PRDM16: variants seen among roughly 807,000 people sequenced by gnomAD.
PRDM16 encodes the protein PR/SET domain 16.
A neutral mutation model predicts 110.6 loss-of-function variants in PRDM16; 23 were observed. The observed-to-expected ratio is 0.21, with a 90% confidence interval of 0.15 to 0.29. The LOEUF (loss-of-function observed/expected upper bound fraction) is 0.29, where lower values mean the gene tolerates loss of function less well. PRDM16 is among the 10% of genes least tolerant of loss of function. The pLI, the probability that PRDM16 is intolerant of heterozygous loss-of-function variation, is 1.00. For missense variants in PRDM16, 1,615 were observed against 1,794.3 expected, an observed-to-expected ratio of 0.90 and a Z score of 1.81; for synonymous variants, 799 against 781.8, an observed-to-expected ratio of 1.02 and a Z score of -0.37.
At chr1:3,094,711 G>A (rs1316822207) in intron 1 of PRDM16, among the ~76,000 whole-genome samples, 1 of 152,216 alleles carries the variant, frequency 6.6e-6, no homozygotes, top group East Asian at 1.9e-4. Flanking sequence ...TGTGAGCACC[G>A]GCCCAGCAAG....
intron 3 of PRDM16, among the ~76,000 whole-genome samples, chr1:3,273,566 A>G (rs1424624727): frequency 6.6e-6 from 1 of 152,084 alleles, no homozygotes; most frequent in African/African-American, 2.4e-5. Context: ...ATAAGGGTAC[A>G]TGCCCATGTG....
intron 3 of PRDM16, among the ~76,000 whole-genome samples, chr1:3,357,108 C>T (rs1642619302): frequency 6.6e-6 from 1 of 152,152 alleles, no homozygotes; most frequent in South Asian, 2.1e-4. Flanking sequence ...GAAGGACCCC[C>T]AGCCCCAAGG....
intron 3 of PRDM16, among the ~76,000 whole-genome samples, chr1:3,315,804 G>A (rs1272169932): frequency 2.0e-5 from 3 of 152,094 alleles, no homozygotes; most frequent in South Asian, 4.2e-4. Flanking sequence ...GCCACCAATC[G>A]GAGACTCCCA....
At chr1:3,305,961 C>T (rs1022802654) in intron 3 of PRDM16, among the ~76,000 whole-genome samples, 2 of 152,268 alleles carry the variant, frequency 1.3e-5, no homozygotes, top group Admixed American at 6.5e-5. Context: ...CTGCATCCTC[C>T]TCAAGGTCAC....
chr1:3,132,580 T>C (rs969342482), intron 1 of PRDM16, among the ~76,000 whole-genome samples: 5 of 152,140 alleles, frequency 3.3e-5, no homozygotes, highest in Non-Finnish European at 7.4e-5. Context: ...CCCCATTACC[T>C]TCCTTCCTCC....
At chr1:3,374,738 C>T (rs1642964010) in intron 3 of PRDM16, among the ~76,000 whole-genome samples, 1 of 152,246 alleles carries the variant, frequency 6.6e-6, no homozygotes, top group African/African-American at 2.4e-5. Context: ...CTACTCACTG[C>T]AAGGGCTGGT....
intron 2 of PRDM16, among the ~76,000 whole-genome samples, chr1:3,188,195 G>A (rs1557515718): frequency 6.6e-6 from 1 of 152,214 alleles, no homozygotes; most frequent in Non-Finnish European, 1.5e-5. Context: ...GTCCCTCCCT[G>A]CCTGGTGTGT....
At chr1:3,116,625 C>T (rs994818501) in intron 1 of PRDM16, among the ~76,000 whole-genome samples, 3 of 152,186 alleles carry the variant, frequency 2.0e-5, no homozygotes, top group South Asian at 2.1e-4. Context: ...ACCGCAGCTC[C>T]GGCTCTGATG....
intron 3 of PRDM16, among the ~76,000 whole-genome samples, chr1:3,375,644 G>C (rs1642978065): frequency 6.6e-6 from 1 of 152,208 alleles, no homozygotes; most frequent in Non-Finnish European, 1.5e-5. Context: ...GTGGCAGGGG[G>C]CACAGCACAG....
chr1:3,123,477 G>A (rs1005024510), intron 1 of PRDM16, among the ~76,000 whole-genome samples: 1 of 152,250 alleles, frequency 6.6e-6, no homozygotes, highest in African/African-American at 2.4e-5. Flanking sequence ...GGCCTTCCTG[G>A]AGGAGGGGGC....
chr1:3,121,987 G>A (rs536935839), intron 1 of PRDM16, among the ~76,000 whole-genome samples: 1 of 152,242 alleles, frequency 6.6e-6, no homozygotes, highest in African/African-American at 2.4e-5. Context: ...TGGCAGGCGC[G>A]GGCGGTTGGT....
chr1:3,203,766 A>G (rs1365354062), intron 2 of PRDM16, among the ~76,000 whole-genome samples: 4 of 152,130 alleles, frequency 2.6e-5, no homozygotes, highest in Non-Finnish European at 5.9e-5. Flanking sequence ...TTAACTCATC[A>G]CATCTCCCAA....
intron 1 of PRDM16, among the ~76,000 whole-genome samples, chr1:3,178,169 C>T (rs569211763): frequency 6.6e-5 from 10 of 152,264 alleles, no homozygotes; most frequent in African/African-American, 1.4e-4. Flanking sequence ...GGCAATAAGA[C>T]GGCAAGGGTT....
intron 2 of PRDM16, among the ~76,000 whole-genome samples, chr1:3,215,384 G>A (rs1376420233): frequency 6.6e-6 from 1 of 151,800 alleles, no homozygotes; most frequent in Non-Finnish European, 1.5e-5. Flanking sequence ...GGAGAACAGG[G>A]CCTCCAGGAG....
At chr1:3,365,151 C>T (rs936824150) in intron 3 of PRDM16, among the ~76,000 whole-genome samples, 2 of 152,168 alleles carry the variant, frequency 1.3e-5, no homozygotes, top group South Asian at 2.1e-4. Flanking sequence ...AAGTGGGAGT[C>T]GGGTCGCATG....
chr1:3,125,193 G>T (rs1643179603), intron 1 of PRDM16, among the ~76,000 whole-genome samples: 1 of 152,276 alleles, frequency 6.6e-6, no homozygotes, highest in South Asian at 2.1e-4. Context: ...CCTTGAGAAT[G>T]CTGGGCTTCC....
chr1:3,183,205 C>T (rs141105766), intron 1 of PRDM16, among the ~76,000 whole-genome samples: 105 of 152,290 alleles, frequency 6.9e-4, no homozygotes, highest in African/African-American at 2.1e-3. Context: ...AAGATGCCCA[C>T]GTCCAGAACA....
In PRDM16 at chr1:3,402,599, A is replaced by T. The variant is rs534748608; in HGVS notation, c.677-192A>T. Among the ~76,000 whole-genome samples, 23 of 151,846 alleles carry T rather than the reference A, an allele frequency of 1.5e-4. No homozygotes were observed. The East Asian group carries it at 4.1e-3, about 27-fold the overall frequency. ...TCCTGCCCAGGGCTGGGCCCTGGGG[A>T]CTCCACATGCCTGTTTCCAGGGCAG... On this transcript the variant is annotated intron_variant, in intron 5 of 16. Coordinates refer to ENST00000270722, the MANE Select transcript of PRDM16 (RefSeq NM_022114.4).
intron 3 of PRDM16, among the ~76,000 whole-genome samples, chr1:3,268,636 C>T (rs551000581): frequency 6.6e-6 from 1 of 152,358 alleles, no homozygotes; most frequent in South Asian, 2.1e-4. Flanking sequence ...ACCACAGCTG[C>T]CCCTGCAGCA....
Sources: allele counts gnomAD v4.1 joint callset (sites outside exome capture counted in the v4.1 genomes callset), GRCh38; gene constraint gnomAD v4.1.1; transcripts MANE v1.5; gene names NCBI Gene and HGNC (gene_info 2026-07-23, HGNC 2026-07-21).